Variants in CEP85L observed in about 807,000 individuals in gnomAD.
CEP85L encodes the protein centrosomal protein 85L, also known as centrosomal protein of 85 kDa-like.
A neutral mutation model predicts 100.3 loss-of-function variants in CEP85L; 60 were observed. That is an observed-to-expected ratio of 0.60 (90% CI 0.49 to 0.74). The LOEUF (loss-of-function observed/expected upper bound fraction) is 0.74. CEP85L is among the 30% of genes least tolerant of loss of function. The pLI is 0.00. For missense variants in CEP85L, 973 were observed against 936.2 expected (o/e 1.04, Z -0.51); for synonymous variants, 319 against 322.7 (o/e 0.99, Z 0.12).
chr6:118,568,944 T>C (rs538227881), intron 2 of CEP85L, among the ~76,000 whole-genome samples: 30 of 152,190 alleles, frequency 2.0e-4, no homozygotes, highest in African/African-American at 6.3e-4. Flanking sequence ...AAAAGATATC[T>C]TTAAATTAAA....
At chr6:118,521,558 T>C (rs1017522202) in intron 4 of CEP85L, among the ~76,000 whole-genome samples, 2 of 152,218 alleles carry the variant, frequency 1.3e-5, no homozygotes, top group Admixed American at 6.5e-5. Flanking sequence ...GATTTTGCTG[T>C]TTCCACTGGC....
intron 4 of CEP85L, among the ~76,000 whole-genome samples, chr6:118,517,713 T>C (rs1355596831): frequency 2.0e-5 from 3 of 152,212 alleles, no homozygotes; most frequent in African/African-American, 4.8e-5. Context: ...TCTCTTCCTA[T>C]CTGAATACTT....
chr6:118,493,375 C>T (rs928450890), intron 5 of CEP85L, among the ~76,000 whole-genome samples: 2 of 152,000 alleles, frequency 1.3e-5, no homozygotes, highest in Admixed American at 1.3e-4. Flanking sequence ...TCTCTATATT[C>T]CCCAGCATTC....
At chr6:118,586,888 G>A (rs1188823038) in intron 2 of CEP85L, among the ~76,000 whole-genome samples, 1 of 152,108 alleles carries the variant, frequency 6.6e-6, no homozygotes, top group Non-Finnish European at 1.5e-5. Context: ...CACCCTCAGG[G>A]TGGAATGTCA....
At chr6:118,511,535 C>A (rs1775971316) in intron 4 of CEP85L, 120 bp from the exon 5 acceptor site, 1 of 605,100 alleles carries the variant, frequency 1.7e-6, no homozygotes, top group Non-Finnish European at 2.8e-6. Context: ...AACAGTCACA[C>A]CTTGCTTTCT....
chr6:118,516,301 G>C (rs1406630295), intron 4 of CEP85L, among the ~76,000 whole-genome samples: 1 of 152,118 alleles, frequency 6.6e-6, no homozygotes, highest in Non-Finnish European at 1.5e-5. Context: ...TGGTATGTCT[G>C]GTTCTAGATC....
chr6:118,660,291 G>C (rs1016422069), intron 1 of CEP85L, among the ~76,000 whole-genome samples: 3 of 152,236 alleles, frequency 2.0e-5, no homozygotes, highest in African/African-American at 7.2e-5. Context: ...TGAGGTGGCT[G>C]CCAGCCTCCC....
At chr6:118,467,924 A>G (rs1427258570) in intron 12 of CEP85L, among the ~76,000 whole-genome samples, 4 of 152,134 alleles carry the variant, frequency 2.6e-5, no homozygotes, top group African/African-American at 9.7e-5. Context: ...TCCTTTGTCC[A>G]CATCTCAACT....
intron 1 of CEP85L, among the ~76,000 whole-genome samples, chr6:118,670,357 GT>G (rs1430318963): frequency 1.4e-4 from 22 of 152,092 alleles, no homozygotes; most frequent in African/African-American, 5.3e-4. Context: ...CTGATAGATA[GT>G]TTTTCGATCC....
chr6:118,526,217 GATA>G (rs1189208925), intron 3 of CEP85L, among the ~76,000 whole-genome samples: 1 of 152,204 alleles, frequency 6.6e-6, no homozygotes, highest in Non-Finnish European at 1.5e-5. Flanking sequence ...CATCAGTACA[GATA>G]ATGTTAGCTG....
chr6:118,562,988 G>A (rs964590733), intron 3 of CEP85L, among the ~76,000 whole-genome samples: 2 of 152,096 alleles, frequency 1.3e-5, no homozygotes, highest in African/African-American at 4.8e-5. Context: ...CCATGGAAAG[G>A]GAAGGAGTCT....
At chr6:118,513,040 T>C (rs935209208) in intron 4 of CEP85L, among the ~76,000 whole-genome samples, 11 of 152,098 alleles carry the variant, frequency 7.2e-5, no homozygotes, top group African/African-American at 2.4e-4. Flanking sequence ...GAGACATACA[T>C]GACAAACAAC....
At position 118,709,532 on chromosome 6, in the gene CEP85L, C is replaced by CGT. The variant is rs1209782027; in HGVS notation, c.-28+502_-28+503dup. ...AAAGATAACCAGTAACAACAATTGG[C>CGT]GTGTGTGTGTGTGTGTGTGTGTGTG... On this transcript the variant is annotated intron_variant, in intron 1 of 13. Coordinates refer to the CEP85L transcript ENST00000368488. Among the ~76,000 whole-genome samples the CGT allele has an allele frequency of 5.4e-3, 468 of 87,210 alleles. 7 individuals are homozygous for CGT. The highest frequency in any genetic ancestry group is 0.014 in the African/African-American group (335 of 23,146). 57.2% of individuals were successfully genotyped at this position (87,210 alleles called of 152,430 possible). A position where few individuals can be genotyped will look rare whatever the true frequency, so the allele number is the denominator to read the frequency against.
chr6:118,513,170 A>C (rs1438633531), intron 4 of CEP85L, among the ~76,000 whole-genome samples: 1 of 152,176 alleles, frequency 6.6e-6, no homozygotes, highest in African/African-American at 2.4e-5. Flanking sequence ...AAATAAAACA[A>C]AAAAGCTCAT....
In CEP85L at chr6:118,537,751, A is replaced by G. The variant is rs536979543; in HGVS notation, c.1021-13831T>C. On this transcript the variant is annotated intron_variant, in intron 3 of 12. Transcript: ENST00000368491. Reference sequence around the variant, plus strand: ...AAATACTGTTAAATTTAGATAATCCAGTGCTACCACACTTGACTGGAATAC... The same window carrying G: ...AAATACTGTTAAATTTAGATAATCCGGTGCTACCACACTTGACTGGAATAC... 10 of 985,384 alleles carry G rather than the reference A, an allele frequency of 1.0e-5. No individual in the cohort carries two copies. The African/African-American group carries it at 1.6e-4, about 15-fold the overall frequency. The allele number at this position is 985,384 out of a possible 1,614,324, so 61.0% of individuals were successfully genotyped here. A position where few individuals can be genotyped will look rare whatever the true frequency, so the allele number is the denominator to read the frequency against.
chr6:118,619,303 G>A (rs963822126), intron 2 of CEP85L, among the ~76,000 whole-genome samples: 6 of 152,150 alleles, frequency 3.9e-5, no homozygotes, highest in Non-Finnish European at 7.3e-5. Flanking sequence ...CTTACAAAAT[G>A]GAGAAACTTG....
At chr6:118,700,585 G>A (rs1167107522) in intron 1 of CEP85L, among the ~76,000 whole-genome samples, 1 of 152,128 alleles carries the variant, frequency 6.6e-6, no homozygotes, top group Non-Finnish European at 1.5e-5. Flanking sequence ...AATTCCTTTG[G>A]TGAGAACATC....
At chr6:118,662,653 G>C (rs1776013440) in intron 1 of CEP85L, among the ~76,000 whole-genome samples, 1 of 152,172 alleles carries the variant, frequency 6.6e-6, no homozygotes, top group South Asian at 2.1e-4. Context: ...GGAATTCAAA[G>C]ACAGTTCCAC....
chr6:118,668,938 A>G (rs757708634), intron 1 of CEP85L, among the ~76,000 whole-genome samples: 1 of 152,218 alleles, frequency 6.6e-6, no homozygotes, highest in Non-Finnish European at 1.5e-5. Context: ...CTCCAAGATA[A>G]TATCATCTGC....
Sources: allele counts gnomAD v4.1 joint callset (sites outside exome capture counted in the v4.1 genomes callset), GRCh38; gene constraint gnomAD v4.1.1; transcripts MANE v1.5; gene names NCBI Gene and HGNC (gene_info 2026-07-23, HGNC 2026-07-21).